Variants in THAP2 observed in about 807,000 individuals in gnomAD.
THAP2 encodes the protein THAP domain-containing protein 2.
THAP2 carries 16 observed loss-of-function variants against 18.8 expected under a neutral mutation model. That is an observed-to-expected ratio of 0.85 (90% CI 0.58 to 1.29). The LOEUF (loss-of-function observed/expected upper bound fraction) is 1.29, where lower values mean the gene tolerates loss of function less well. Among genes scored for constraint, THAP2 ranks in the 50% most tolerant of loss-of-function variants. The probability of loss-of-function intolerance (pLI) is 0.00; values close to 1 mark genes in which losing one functional copy is unlikely to be tolerated. For synonymous variants in THAP2, 80 were observed against 89.2 expected (o/e 0.90, Z 0.58); for missense variants, 251 against 265.3 (o/e 0.95, Z 0.38).
intron 1 of THAP2, among the ~76,000 whole-genome samples, chr12:71,670,449 C>A (rs1329220130): frequency 1.3e-5 from 2 of 152,124 alleles, no homozygotes; most frequent in East Asian, 3.9e-4. Flanking sequence ...ACAGTTGACC[C>A]TTGAACAATG....
At chr12:71,675,599 T>C (rs1191704805) in intron 2 of THAP2, among the ~76,000 whole-genome samples, 1 of 152,040 alleles carries the variant, frequency 6.6e-6, no homozygotes, top group Admixed American at 6.6e-5. Flanking sequence ...ATTTGTTCAG[T>C]GTTGTGTCCC....
chr12:71,673,126 G>C (rs968186420), intron 1 of THAP2, among the ~76,000 whole-genome samples: 1 of 151,902 alleles, frequency 6.6e-6, no homozygotes, highest in Non-Finnish European at 1.5e-5. Flanking sequence ...TGCCATGTAT[G>C]GTCTCTGTAA....
In THAP2 at chr12:71,676,858, C is replaced by T. The variant is rs777754130; in HGVS notation, c.437C>T (p.Ala146Val). Residue 146 changes from alanine to valine, a missense_variant, in exon 3 of 3, where the codon GCA (alanine) becomes GTA (valine). By Grantham distance (64) the Ala-to-Val change is moderately conservative (BLOSUM62 0). Transcript: ENST00000308086. ...KRIIKLEKEI[A>V]SLRRKMKTCL... ...ATCATTAAACTGGAAAAAGAAATAG[C>T]AAGCTTAAGAAGAAAAATGAAAACT... The T allele has an allele frequency of 1.1e-5, 18 of 1,613,458 alleles. No homozygotes were observed. The highest frequency in any genetic ancestry group is 1.6e-4 in the Middle Eastern group (1 of 6,084).
At position 71,674,234 on chromosome 12, in the gene THAP2, T is replaced by C; in HGVS notation, c.103T>C (p.Trp35Arg). The change falls in exon 2 of 3, where the codon TGG (tryptophan) becomes CGG (arginine). Residue 35 changes from tryptophan (W) to arginine (R), a missense_variant. Transcript: ENST00000308086. ...TTTGGATCCTAAAAGAAGAAAAGAA[T>C]GGGTTCGCCTGGTTAGGCGCAAAAA... ...FPLDPKRRKE[W>R]VRLVRRKNFV... 1 of 1,605,570 alleles carries C rather than the reference T, an allele frequency of 6.2e-7. No individual in the cohort carries two copies. Among genetic ancestry groups the C allele is most frequent in the Non-Finnish European group, 8.5e-7 (1 of 1,176,132 alleles).
At position 71,664,554 on chromosome 12, in the gene THAP2, C is replaced by A. The variant is rs1335018204; in HGVS notation, c.45C>A (p.Asn15Lys). ...CAAAGCATTY[N>K]KHINISFHRF... ...CGGCGGGCTGTGCCACTACCTACAA[C>A]AAGCACATTAACATCAGCTTCCACA... Residue 15 changes from asparagine to lysine, a missense_variant, in exon 1 of 3, where the codon AAC becomes AAA. Transcript: ENST00000308086. 1.2e-6 allele frequency: 2 copies of A among 1,614,184 alleles called. No homozygotes were observed. The highest frequency in any genetic ancestry group is 2.2e-5 in the South Asian group (2 of 91,080).
intron 1 of THAP2, 133 bp downstream of exon 1, chr12:71,664,713 C>T (rs981660479): frequency 7.0e-6 from 7 of 999,342 alleles, no homozygotes; most frequent in Non-Finnish European, 7.8e-6. Flanking sequence ...ATCGTATGTC[C>T]TTTGTGTTTC....
intron 1 of THAP2, among the ~76,000 whole-genome samples, chr12:71,670,936 C>CAAA (rs35547227): frequency 0.011 from 1,040 of 98,894 alleles, 6 homozygotes; most frequent in Middle Eastern, 0.017. Context: ...AAAACTGTCT[C>CAAA]AAAAAAAAAA....
rs765889695 is a variant in THAP2 at position 71,678,493 on chromosome 12, C to A, written c.*1385C>A. The A allele has an allele frequency of 1.3e-5, 2 of 152,422 alleles. No homozygotes were observed. The highest frequency in any genetic ancestry group is 4.8e-5 in the African/African-American group (2 of 41,402). The allele number at this position is 152,422 out of a possible 1,614,324, so 9.4% of individuals were successfully genotyped here. On this transcript the variant is annotated 3_prime_UTR_variant, in exon 3 of 3. Coordinates refer to ENST00000308086, the MANE Select transcript of THAP2 (RefSeq NM_031435.4). ...TATTTCACTAATGTTTAATAGGAAC[C>A]CTTTGCTTCAAACAGCTTTGTTGAA...
At position 71,664,414 on chromosome 12, in the gene THAP2, C is replaced by T; in HGVS notation, c.-96C>T. Reference sequence around the variant, plus strand: ...CACGACTAAGCTCTCACGATTAAGGCACGCCTGCCTCGATTGTCCAGCCTC... The same window carrying T: ...CACGACTAAGCTCTCACGATTAAGGTACGCCTGCCTCGATTGTCCAGCCTC... On this transcript the variant is annotated 5_prime_UTR_variant, in exon 1 of 3. Coordinates refer to ENST00000308086, the MANE Select transcript of THAP2 (RefSeq NM_031435.4). 2 of 1,490,726 alleles carry T rather than the reference C, an allele frequency of 1.3e-6. No homozygotes were observed. Among genetic ancestry groups the T allele is most frequent in the Non-Finnish European group, 1.9e-6 (2 of 1,070,402 alleles). 92.3% of individuals were successfully genotyped at this position (1,490,726 alleles called of 1,614,324 possible).
chr12:71,673,605 CTACTGTTTG>C (rs1881476180), intron 1 of THAP2, among the ~76,000 whole-genome samples: 1 of 152,064 alleles, frequency 6.6e-6, no homozygotes, highest in African/African-American at 2.4e-5. Context: ...TGTTGAATCC[CTACTGTTTG>C]CAAAGCATTG....
chr12:71,674,750 G>T (rs74104108), intron 2 of THAP2, among the ~76,000 whole-genome samples: 3,375 of 152,156 alleles, frequency 0.022, 145 homozygotes, highest in African/African-American at 0.076. Context: ...TACTTTAAGA[G>T]CACACAGCCA....
intron 1 of THAP2, among the ~76,000 whole-genome samples, chr12:71,673,203 G>A (rs1881470130): frequency 1.3e-5 from 2 of 152,102 alleles, no homozygotes; most frequent in South Asian, 4.1e-4. Flanking sequence ...AAATAGACTA[G>A]TATGTGTATA....
In THAP2 at chr12:71,680,271, T is replaced by C. The variant is rs904899099; in HGVS notation, c.*3163T>C. ...TAGATAGTTCTAGATTGAACATAGA[T>C]TTTCTGCCAACAAATCCTCTCTGCT... On this transcript the variant is annotated 3_prime_UTR_variant, in exon 3 of 3. Coordinates refer to ENST00000308086, the MANE Select transcript of THAP2 (RefSeq NM_031435.4). 1 of 152,272 alleles carries C rather than the reference T, an allele frequency of 6.6e-6. No individual in the cohort carries two copies. Among genetic ancestry groups the C allele is most frequent in the Non-Finnish European group, 1.5e-5 (1 of 68,024 alleles). 9.4% of individuals were successfully genotyped at this position (152,272 alleles called of 1,614,324 possible).
In THAP2 at chr12:71,677,455, G is replaced by T. The variant is rs982722667; in HGVS notation, c.*347G>T. The stretch of plus-strand genomic sequence containing the variant: ...AGAATTTTTTCCTGTACCAAAGTTG[G>T]CATATTGCATTCTAAATAAGATGCT... On this transcript the variant is annotated 3_prime_UTR_variant, in exon 3 of 3. Coordinates refer to ENST00000308086, the MANE Select transcript of THAP2 (RefSeq NM_031435.4). 1.9e-5 allele frequency: 3 copies of T among 157,606 alleles called. No homozygotes were observed. The allele number at this position is 157,606 out of a possible 1,614,324, so 9.8% of individuals were successfully genotyped here.
At chr12:71,673,900 C>T (rs552018631) in intron 1 of THAP2, among the ~76,000 whole-genome samples, 2 of 152,140 alleles carry the variant, frequency 1.3e-5, no homozygotes, top group Admixed American at 1.3e-4. Context: ...TCTACTTAAA[C>T]TTGATCTAAA....
At position 71,679,154 on chromosome 12, in the gene THAP2, C is replaced by T. The variant is rs1881564203; in HGVS notation, c.*2046C>T. On this transcript the variant is annotated 3_prime_UTR_variant, in exon 3 of 3. Transcript: ENST00000308086. ...CCCATCTACAGTAATACCTTGAAAC[C>T]TTAATAAATTTTAAAAATCATAAAA... 6.6e-6 allele frequency: 1 copy of T among 152,010 alleles called. No homozygotes were observed. The highest frequency in any genetic ancestry group is 1.5e-5 in the Non-Finnish European group (1 of 67,988). 9.4% of individuals were successfully genotyped at this position (152,010 alleles called of 1,614,324 possible). A position where few individuals can be genotyped will look rare whatever the true frequency, so the allele number is the denominator to read the frequency against.
intron 1 of THAP2, chr12:71,665,079 A>G: frequency 1.5e-6 from 1 of 664,064 alleles, no homozygotes. Flanking sequence ...GATGTTAATT[A>G]AAGTGCAAAA....
At chr12:71,675,646 T>A (rs1417122821) in intron 2 of THAP2, among the ~76,000 whole-genome samples, 1 of 152,062 alleles carries the variant, frequency 6.6e-6, no homozygotes, top group African/African-American at 2.4e-5. Flanking sequence ...AAATGTTTAA[T>A]GAATTAAAGA....
intron 1 of THAP2, chr12:71,667,571 A>C (rs982904678): frequency 1.3e-5 from 2 of 152,240 alleles, no homozygotes; most frequent in Non-Finnish European, 1.5e-5. Context: ...ACCCATCTGG[A>C]AACTTGGAAG....
Sources: allele counts gnomAD v4.1 joint callset (sites outside exome capture counted in the v4.1 genomes callset), GRCh38; gene constraint gnomAD v4.1.1; transcripts MANE v1.5; gene names NCBI Gene and HGNC (gene_info 2026-07-23, HGNC 2026-07-21).